The following FANCC variants were observed in gnomAD, a reference collection of about 807,000 sequenced individuals.
FANCC encodes the protein Fanconi anemia group C protein.
Under a neutral mutation model 71.3 loss-of-function variants are expected in FANCC, and 55 were observed. That is an observed-to-expected ratio of 0.77 (90% CI 0.62 to 0.97). The LOEUF is 0.97. Among genes scored for constraint, FANCC ranks in the 50% least tolerant of loss-of-function variants. FANCC has a pLI of 0.00. For synonymous variants in FANCC, 275 were observed against 244.9 expected (o/e 1.12, Z -1.15); for missense variants, 678 against 670.9 (o/e 1.01, Z -0.12).
chr9:95,177,341 T>C (rs1026157409), intron 4 of FANCC, among the ~76,000 whole-genome samples: 3 of 152,180 alleles, frequency 2.0e-5, no homozygotes, highest in Non-Finnish European at 4.4e-5. Context: ...ACACTTCCCA[T>C]GAATGGAGCC....
intron 1 of FANCC, among the ~76,000 whole-genome samples, chr9:95,291,458 CA>C (rs1564832757): frequency 6.6e-6 from 1 of 151,332 alleles, no homozygotes; most frequent in Admixed American, 6.6e-5. Flanking sequence ...AAAAATAAAT[CA>C]AGAAAGCAAT....
chr9:95,283,003 G>C (rs1037893495), intron 1 of FANCC, among the ~76,000 whole-genome samples: 3 of 152,186 alleles, frequency 2.0e-5, no homozygotes, highest in Non-Finnish European at 2.9e-5. Flanking sequence ...CTTTGAGAAT[G>C]ATCTATTAAA....
intron 4 of FANCC, among the ~76,000 whole-genome samples, chr9:95,182,121 AT>A (rs1486937025): frequency 6.6e-6 from 1 of 151,914 alleles, no homozygotes; most frequent in African/African-American, 2.4e-5. Flanking sequence ...GAGCACGTAT[AT>A]TATGCTTCTC....
chr9:95,311,709 C>CTGTGTGTGTGTGTG (rs56187288), intron 1 of FANCC, among the ~76,000 whole-genome samples: 1,727 of 144,560 alleles, frequency 0.012, 10 homozygotes, highest in Non-Finnish European at 0.016. Flanking sequence ...TCCTCTGAAT[C>CTGTGTGTGTGTGTG]TGTGTGTGTG....
chr9:95,229,436 C>A (rs1043176643), intron 4 of FANCC, among the ~76,000 whole-genome samples: 1 of 151,920 alleles, frequency 6.6e-6, no homozygotes, highest in Non-Finnish European at 1.5e-5. Flanking sequence ...TGGTCAGATT[C>A]TGGACACGTG....
intron 1 of FANCC, among the ~76,000 whole-genome samples, chr9:95,260,049 C>T (rs1291476572): frequency 2.6e-5 from 4 of 152,010 alleles, no homozygotes; most frequent in Admixed American, 6.6e-5. Context: ...CAACAGATGC[C>T]GAAGAGGATG....
At chr9:95,110,960 G>C in intron 13 of FANCC, 1 of 1,397,816 alleles carries the variant, frequency 7.2e-7, no homozygotes. Flanking sequence ...AATATCATCT[G>C]ATTACTTTAG....
chr9:95,134,347 T>C (rs1827332162), intron 8 of FANCC, among the ~76,000 whole-genome samples: 1 of 152,118 alleles, frequency 6.6e-6, no homozygotes, highest in Non-Finnish European at 1.5e-5. Context: ...TCAGGAAAAG[T>C]GGGCACAGCC....
At chr9:95,230,104 A>T (rs540312160) in intron 4 of FANCC, among the ~76,000 whole-genome samples, 38 of 151,242 alleles carry the variant, frequency 2.5e-4, no homozygotes, top group South Asian at 2.3e-3. Flanking sequence ...TAAAAAAAAA[A>T]TTTTTTTAAG....
chr9:95,172,742 C>T (rs1021185081), intron 4 of FANCC, among the ~76,000 whole-genome samples: 2 of 151,910 alleles, frequency 1.3e-5, no homozygotes, highest in African/African-American at 4.8e-5. Flanking sequence ...AAAATATACT[C>T]CAGTTTAATG....
Position 95,209,250 on chromosome 9 carries a change from A to C in FANCC, c.345+31399T>G, listed in dbSNP as rs573850822. ...GAAGAGGGGAATGAACAGGGAGAGC[A>C]CGAATAATTTCTAGGGCAGTGAAAC... On this transcript the variant is annotated intron_variant, in intron 4 of 14. Transcript: ENST00000289081. Among the ~76,000 whole-genome samples, 24 of 152,348 alleles carry C rather than the reference A, an allele frequency of 1.6e-4. No homozygotes were observed. In the East Asian group the frequency reaches 3.9e-3, roughly 24 times the overall value.
rs1032291945 is a variant in FANCC, at chr9:95,121,654, T to C, written c.996+3432A>G. On this transcript the variant is annotated intron_variant, in intron 10 of 14. Transcript: ENST00000289081. ...CACAATGGACTATGCATAACAGTAC[T>C]TCCCCACAGCCACACATGGCAACGT... Among the ~76,000 whole-genome samples, 3 of 152,186 alleles carry C rather than the reference T, an allele frequency of 2.0e-5. No homozygotes were observed. In the East Asian group the frequency reaches 5.8e-4, roughly 29 times the overall value.
chr9:95,262,550 G>A (rs369482104), intron 1 of FANCC, among the ~76,000 whole-genome samples: 8 of 152,262 alleles, frequency 5.3e-5, no homozygotes, highest in African/African-American at 1.7e-4. Context: ...CAGCTGCTAC[G>A]AAAAACAGTA....
Position 95,101,171 on chromosome 9 carries a change from G to A in FANCC, c.*536C>T. The A allele has an allele frequency of 4.0e-6, 1 of 249,534 alleles. No homozygotes were observed. Among genetic ancestry groups the A allele is most frequent in the Non-Finnish European group, 7.9e-6 (1 of 126,496 alleles). The allele number at this position is 249,534 out of a possible 1,614,324, so 15.5% of individuals were successfully genotyped here. A position where few individuals can be genotyped will look rare whatever the true frequency, so the allele number is the denominator to read the frequency against. On this transcript the variant is annotated 3_prime_UTR_variant, in exon 15 of 15. Transcript: ENST00000289081. Reference sequence around the variant, plus strand: ...GTCTGCTCCTGTGGCCTGTCAGGCAGGTCCAGGGAGACACAAGGGAAGCCT... The same window carrying A: ...GTCTGCTCCTGTGGCCTGTCAGGCAAGTCCAGGGAGACACAAGGGAAGCCT...
intron 1 of FANCC, among the ~76,000 whole-genome samples, chr9:95,298,706 T>A (rs1834545450): frequency 6.6e-6 from 1 of 152,196 alleles, no homozygotes; most frequent in African/African-American, 2.4e-5. Flanking sequence ...AGCTGTCACT[T>A]CCAGGTTTAG....
intron 6 of FANCC, among the ~76,000 whole-genome samples, chr9:95,154,820 C>A (rs1485627117): frequency 6.6e-6 from 1 of 152,050 alleles, no homozygotes; most frequent in Non-Finnish European, 1.5e-5. Context: ...AAAACCTGGG[C>A]AACAGGCACA....
At chr9:95,252,022 A>G (rs1192496968) in intron 1 of FANCC, among the ~76,000 whole-genome samples, 2 of 152,206 alleles carry the variant, frequency 1.3e-5, no homozygotes, top group Non-Finnish European at 2.9e-5. Flanking sequence ...TCACACCTGT[A>G]ATCCCAGAAC....
At chr9:95,120,812 CATT>C (rs942412262) in intron 10 of FANCC, among the ~76,000 whole-genome samples, 17 of 152,210 alleles carry the variant, frequency 1.1e-4, no homozygotes, top group African/African-American at 4.1e-4. Context: ...AAATTAATGT[CATT>C]GTTGGTAGTT....
intron 4 of FANCC, among the ~76,000 whole-genome samples, chr9:95,185,928 GAGA>G (rs1366885642): frequency 6.6e-5 from 10 of 152,244 alleles, no homozygotes; most frequent in Admixed American, 6.5e-4. Flanking sequence ...TTTCAAGTCA[GAGA>G]AGAAGCCAAG....
Sources: allele counts gnomAD v4.1 joint callset (sites outside exome capture counted in the v4.1 genomes callset), GRCh38; gene constraint gnomAD v4.1.1; transcripts MANE v1.5; gene names NCBI Gene and HGNC (gene_info 2026-07-23, HGNC 2026-07-21).